IFFO1: variants seen among roughly 807,000 people sequenced by gnomAD.
IFFO1 encodes the protein non-homologous end joining factor IFFO1.
Under a neutral mutation model 59.6 loss-of-function variants are expected in IFFO1, and 42 were observed. The ratio of observed to expected loss-of-function variants is 0.70; its 90% CI spans 0.55 to 0.91. The LOEUF is 0.91. Ranked by LOEUF, IFFO1 falls within the 40% of genes least tolerant of loss-of-function variation. The pLI, the probability that IFFO1 is intolerant of heterozygous loss-of-function variation, is 0.00. For missense variants in IFFO1, 711 were observed against 793.2 expected (o/e 0.90, Z 1.24); for synonymous variants, 336 against 342.8 (o/e 0.98, Z 0.22).
At chr12:6,543,715 C>A (rs2136100800) in intron 8 of IFFO1, 1 of 152,188 alleles carries the variant, frequency 6.6e-6, no homozygotes, top group East Asian at 1.9e-4. Context: ...GCCTGTAATC[C>A]CAGCACTTTG....
chr12:6,549,803 C>T lies in IFFO1; in HGVS notation c.1024G>A (p.Asp342Asn), dbSNP rs1261911889. 17 of 1,614,076 alleles carry T rather than the reference C, an allele frequency of 1.1e-5. No individual in the cohort carries two copies. Among genetic ancestry groups the T allele is most frequent in the Non-Finnish European group, 1.4e-5 (16 of 1,180,000 alleles). The change falls in exon 4 of 10, where the codon GAT (aspartate) becomes AAT (asparagine). Residue 342 changes from aspartate (D) to asparagine (N), a missense_variant. Asp to Asn is a conservative substitution (Grantham distance 23). Transcript: ENST00000619571. The surrounding 1 kb of genome is among the most constrained non-coding windows in gnomAD (Gnocchi z 5.0). ...RRIDITAKLCDVAQQRNCEDM... is the reference protein window; with the variant it reads ...RRIDITAKLCNVAQQRNCEDM... The stretch of plus-strand genomic sequence containing the variant: ...TCGCAGTTGCGCTGCTGAGCCACAT[C>T]GCAGAGCTTGGCGGTGATGTCGATG...
intron 8 of IFFO1, among the ~76,000 whole-genome samples, chr12:6,547,127 AGGCCC>A (rs772227980): frequency 3.3e-5 from 5 of 152,198 alleles, no homozygotes; most frequent in African/African-American, 4.8e-5. Context: ...ACAAATAAAA[AGGCCC>A]GGCACAGTGG....
Position 6,555,254 on chromosome 12 carries a change from T to C in IFFO1, c.773+3A>G. ...AGACCTGTCCCCCTTTCCCAATCCC[T>C]ACCTCCGCTTGTACTCGTCCCGCTC... On this transcript the variant is annotated splice_donor_region_variant and intron_variant, in intron 1 of 9. Coordinates refer to ENST00000619571, the MANE Select transcript of IFFO1 (RefSeq NM_001193457.2). This position sits in a 1 kb window ranked among gnomAD's most constrained non-coding sequence, Gnocchi z 8.6. 1 of 1,614,002 alleles carries C rather than the reference T, an allele frequency of 6.2e-7. No individual in the cohort carries two copies. The highest frequency in any genetic ancestry group is 1.1e-5 in the South Asian group (1 of 91,080).
At position 6,555,220 on chromosome 12, in the gene IFFO1, G is replaced by A; in HGVS notation, c.773+37C>T. On this transcript the variant is annotated intron_variant, in intron 1 of 9. Coordinates refer to ENST00000619571, the MANE Select transcript of IFFO1 (RefSeq NM_001193457.2). The surrounding 1 kb of genome is among the most constrained non-coding windows in gnomAD (Gnocchi z 8.6). ...ACTCGCGGCCCGTTGTGAGTGGTAT[G>A]ACACAGAGAGACCTGTCCCCCTTTC... The A allele has an allele frequency of 1.2e-6, 2 of 1,603,202 alleles. No homozygotes were observed. The highest frequency in any genetic ancestry group is 1.7e-6 in the Non-Finnish European group (2 of 1,170,646).
In IFFO1 at chr12:6,548,841, G is replaced by GTGCAGAGAC. The variant is rs1171205315; in HGVS notation, c.1081-1_1088dup (p.Leu362_His363insGlnSerLeu). 1.9e-6 allele frequency: 3 copies of GTGCAGAGAC among 1,610,826 alleles called. No individual in the cohort carries two copies. Among genetic ancestry groups the GTGCAGAGAC allele is most frequent in the Non-Finnish European group, 2.5e-6 (3 of 1,178,612 alleles). ...TGGATGGGACCTTAATGGGAGACAA[G>GTGCAGAGAC]TGCAGAGACTACAGAGACGAGGCCG... On this transcript the variant is annotated inframe_insertion, in exon 6 of 10. Transcript: ENST00000619571. This position sits in a 1 kb window ranked among gnomAD's most constrained non-coding sequence, Gnocchi z 6.1.
rs1946702218 is a variant in IFFO1 at position 6,541,366 on chromosome 12, G to A, written c.1610+146C>T. On this transcript the variant is annotated intron_variant, in intron 9 of 9. Transcript: ENST00000619571. This position sits in a 1 kb window ranked among gnomAD's most constrained non-coding sequence, Gnocchi z 4.8. Reference sequence around the variant, plus strand: ...TGCCAAGGGAGAGAGCTGTGGGTCTGGGCCAGCCCCACCAGGTAACTCCCA... The same window carrying A: ...TGCCAAGGGAGAGAGCTGTGGGTCTAGGCCAGCCCCACCAGGTAACTCCCA... The A allele has an allele frequency of 9.8e-7, 1 of 1,025,360 alleles. No homozygotes were observed. Among genetic ancestry groups the A allele is most frequent in the Admixed American group, 2.4e-5 (1 of 42,448 alleles). 63.5% of individuals were successfully genotyped at this position (1,025,360 alleles called of 1,614,324 possible).
rs1947413279 is a variant in IFFO1, at chr12:6,555,662, T to C, written c.368A>G (p.Asp123Gly). ...KQGRRGLGRR[D>G]QAVQTGFVSP... ...GACGAAGCCGGTCTGCACTGCCTGG[T>C]CGCGACGACCCAGGCCCCGCCGGCC... The change falls in exon 1 of 10, where the codon GAC (aspartate) becomes GGC (glycine). Residue 123 changes from aspartate to glycine, a missense_variant. This residue lies in a region of IFFO1 where 579 missense variants were observed against 650.3 expected (regional missense o/e 0.89). Coordinates refer to ENST00000619571, the MANE Select transcript of IFFO1 (RefSeq NM_001193457.2). This position sits in a 1 kb window ranked among gnomAD's most constrained non-coding sequence, Gnocchi z 8.6. 1.2e-6 allele frequency: 2 copies of C among 1,601,894 alleles called. No individual in the cohort carries two copies. The highest frequency in any genetic ancestry group is 1.7e-4 in the Middle Eastern group (1 of 5,960).
In IFFO1 at chr12:6,541,535, C is replaced by T. The variant is rs1044984014; in HGVS notation, c.1587G>A (p.Arg529=). 6.2e-7 allele frequency: 1 copy of T among 1,614,046 alleles called. No homozygotes were observed. The highest frequency in any genetic ancestry group is 8.5e-7 in the Non-Finnish European group (1 of 1,180,020). ...GLDVQMETCR[R]LITQSGDRKS... is the part of the protein sequence containing the mutation. ...ACCGGTCTCCAGACTGGGTGATGAG[C>T]CGGCGGCAGGTCTCCATCTGCACGT... The change falls in exon 9 of 10, where the codon CGG becomes CGA. Residue 529 remains arginine, a synonymous_variant. Coordinates refer to ENST00000619571, the MANE Select transcript of IFFO1 (RefSeq NM_001193457.2). The surrounding 1 kb of genome is among the most constrained non-coding windows in gnomAD (Gnocchi z 4.8).
chr12:6,551,500 G>C (rs1411782301), intron 1 of IFFO1: 1 of 1,288,830 alleles, frequency 7.8e-7, no homozygotes, highest in Non-Finnish European at 1.0e-6. Flanking sequence ...CCCTGTAAAA[G>C]CATCTGCAGG....
chr12:6,546,328 G>A (rs1215151857), intron 8 of IFFO1, among the ~76,000 whole-genome samples: 1 of 152,240 alleles, frequency 6.6e-6, no homozygotes, highest in African/African-American at 2.4e-5. Flanking sequence ...TGGGCCTGAA[G>A]AGAGGCTGAG....
intron 9 of IFFO1, among the ~76,000 whole-genome samples, chr12:6,540,914 C>T (rs1232783647): frequency 6.6e-6 from 1 of 152,018 alleles, no homozygotes; most frequent in African/African-American, 2.4e-5. Context: ...CATGGTGAAA[C>T]CCCATCTCTA....
chr12:6,548,801 G>T lies in IFFO1; in HGVS notation c.1129C>A (p.Arg377=), dbSNP rs746972419. The change falls in exon 6 of 10, where the codon CGG becomes AGG. Residue 377 remains arginine (R), a synonymous_variant. Transcript: ENST00000619571. This position sits in a 1 kb window ranked among gnomAD's most constrained non-coding sequence, Gnocchi z 6.1. Reference sequence around the variant, plus strand: ...TCCTCGACGGCAGCCTTGCGCTCCCGCTTCCGCCCCCCCATGGATGGGACC... The same window carrying T: ...TCCTCGACGGCAGCCTTGCGCTCCCTCTTCCGCCCCCCCATGGATGGGACC... The part of the protein sequence containing the change: ...IKVPSMGGRK[R]ERKAAVEEDT... 1.9e-6 allele frequency: 3 copies of T among 1,613,360 alleles called. No homozygotes were observed. The highest frequency in any genetic ancestry group is 1.7e-6 in the Non-Finnish European group (2 of 1,179,824).
intron 8 of IFFO1, among the ~76,000 whole-genome samples, chr12:6,544,561 C>T (rs557545644): frequency 3.2e-4 from 49 of 152,262 alleles, no homozygotes; most frequent in African/African-American, 1.1e-3. Flanking sequence ...CCAGGGAAGA[C>T]TAGGGAGAGA....
At position 6,549,825 on chromosome 12, in the gene IFFO1, G is replaced by C. The variant is rs200162759; in HGVS notation, c.1002C>G (p.Ile334Met). The change falls in exon 4 of 10, where the codon ATC becomes ATG. Residue 334 changes from isoleucine to methionine, a missense_variant. This residue lies in a region of IFFO1 where 579 missense variants were observed against 650.3 expected (regional missense o/e 0.89). Coordinates refer to ENST00000619571, the MANE Select transcript of IFFO1 (RefSeq NM_001193457.2). The surrounding 1 kb of genome is among the most constrained non-coding windows in gnomAD (Gnocchi z 5.0). ...MKVDMDICRR[I>M]DITAKLCDVA... ...CATCGCAGAGCTTGGCGGTGATGTC[G>C]ATGCGGCGGCAGATGTCCATATCCA... 7 of 1,614,172 alleles carry C rather than the reference G, an allele frequency of 4.3e-6. No homozygotes were observed. Among genetic ancestry groups the C allele is most frequent in the African/African-American group, 1.3e-5 (1 of 75,068 alleles).
rs534228485 is a variant in IFFO1, at chr12:6,541,692, C to T, written c.1480-50G>A. Reference sequence around the variant, plus strand: ...CGGGGTTAACAGGTGGCGTTCACAGCGCCTCTGTTGCCCCCGCCAGGAGGC... The same window carrying T: ...CGGGGTTAACAGGTGGCGTTCACAGTGCCTCTGTTGCCCCCGCCAGGAGGC... On this transcript the variant is annotated intron_variant, in intron 8 of 9. Coordinates refer to ENST00000619571, the MANE Select transcript of IFFO1 (RefSeq NM_001193457.2). This position sits in a 1 kb window ranked among gnomAD's most constrained non-coding sequence, Gnocchi z 4.8. 23 of 1,608,580 alleles carry T rather than the reference C, an allele frequency of 1.4e-5. No individual in the cohort carries two copies. Among genetic ancestry groups the T allele is most frequent in the South Asian group, 4.4e-5 (4 of 90,950 alleles).
At chr12:6,540,621 C>A in intron 9 of IFFO1, 33 bp from the exon 10 acceptor site, 1 of 1,573,642 alleles carries the variant, frequency 6.4e-7, no homozygotes, top group Non-Finnish European at 8.7e-7. Flanking sequence ...AACCTTGGGG[C>A]AGGCAGGAAT....
In IFFO1 at chr12:6,550,778, C is replaced by T. The variant is rs1215635581; in HGVS notation, c.847G>A (p.Ala283Thr). The T allele has an allele frequency of 6.2e-7, 1 of 1,614,128 alleles. No individual in the cohort carries two copies. Among genetic ancestry groups the T allele is most frequent in the East Asian group, 2.2e-5 (1 of 44,876 alleles). ...VNELQEEAQE[A>T]DACQEELALK... ...GCCAGCTCCTCCTGGCAGGCATCAG[C>T]CTCCTGGGCTTCCTGCAGTTGGGAG... Residue 283 changes from alanine (A) to threonine (T), a missense_variant, in exon 3 of 10, where the codon GCT (alanine) becomes ACT (threonine). Ala to Thr is a moderately conservative substitution (Grantham distance 58). This residue lies in a region of IFFO1 where 579 missense variants were observed against 650.3 expected (regional missense o/e 0.89). Transcript: ENST00000619571.
In IFFO1 at chr12:6,548,568, T is replaced by A. The variant is rs1459619729; in HGVS notation, c.1263-23A>T. 6.2e-7 allele frequency: 1 copy of A among 1,613,348 alleles called. No individual in the cohort carries two copies. Among genetic ancestry groups the A allele is most frequent in the Non-Finnish European group, 8.5e-7 (1 of 1,179,502 alleles). On this transcript the variant is annotated intron_variant, in intron 6 of 9. Coordinates refer to ENST00000619571, the MANE Select transcript of IFFO1 (RefSeq NM_001193457.2). This position sits in a 1 kb window ranked among gnomAD's most constrained non-coding sequence, Gnocchi z 6.1. Reference sequence around the variant, plus strand: ...CTCCTAGAGACAGGGAACCCGGGTGTCAGGGCGGGCGGGGCCTCGTCCTGG... The same window carrying A: ...CTCCTAGAGACAGGGAACCCGGGTGACAGGGCGGGCGGGGCCTCGTCCTGG...
intron 8 of IFFO1, among the ~76,000 whole-genome samples, chr12:6,547,392 A>AAAAG (rs138452442): frequency 1.2e-3 from 177 of 150,850 alleles, no homozygotes; most frequent in South Asian, 1.7e-3. Flanking sequence ...CTGTCTCAAA[A>AAAAG]AAAGAAAGAA....
Sources: gnomAD v4.1 joint callset for allele counts (sites outside exome capture counted in the v4.1 genomes callset) on GRCh38, gnomAD v4.1.1 for gene constraint, gnomAD v4.1.1 regional missense constraint, Gnocchi (gnomAD v3.1) non-coding constraint, MANE v1.5 for transcripts, NCBI Gene and HGNC (gene_info 2026-07-23, HGNC 2026-07-21) for gene names.